ARHGEF3: variants seen among roughly 807,000 people sequenced by gnomAD.
ARHGEF3 encodes 59.8 kDA protein.
Under a neutral mutation model 63.2 loss-of-function variants are expected in ARHGEF3, and 28 were observed. The ratio of observed to expected loss-of-function variants is 0.44; its 90% CI spans 0.33 to 0.61. The LOEUF (loss-of-function observed/expected upper bound fraction) is 0.61. Ranked by LOEUF, ARHGEF3 falls within the 20% of genes least tolerant of loss-of-function variation. The pLI, the probability that ARHGEF3 is intolerant of heterozygous loss-of-function variation, is 0.03. For synonymous variants in ARHGEF3, 266 were observed against 254.2 expected, an observed-to-expected ratio of 1.05 and a Z score of -0.44; for missense variants, 533 against 659.3, an observed-to-expected ratio of 0.81 and a Z score of 2.10.
chr3:56,814,502 C>G (rs1271651185), intron 4 of ARHGEF3, among the ~76,000 whole-genome samples: 1 of 152,160 alleles, frequency 6.6e-6, no homozygotes, highest in Admixed American at 6.5e-5. Context: ...TGACAAACAT[C>G]AGTTTAAGCA....
chr3:56,991,547 A>G (rs964485058), intron 2 of ARHGEF3, among the ~76,000 whole-genome samples: 3 of 152,234 alleles, frequency 2.0e-5, no homozygotes, highest in African/African-American at 7.2e-5. Flanking sequence ...ATAAATTGCA[A>G]AAAAGAATTC....
At chr3:57,009,167 C>A (rs1266717166) in intron 2 of ARHGEF3, among the ~76,000 whole-genome samples, 1 of 152,230 alleles carries the variant, frequency 6.6e-6, no homozygotes, top group Non-Finnish European at 1.5e-5. Flanking sequence ...TCCGGCTCCT[C>A]CCCACCCCTG....
At chr3:56,856,900 A>C (rs994755930) in intron 4 of ARHGEF3, among the ~76,000 whole-genome samples, 3 of 152,030 alleles carry the variant, frequency 2.0e-5, no homozygotes, top group Non-Finnish European at 4.4e-5. Context: ...TTTCTTTGAA[A>C]ATTTACATTA....
chr3:56,892,373 A>C (rs191134416), intron 3 of ARHGEF3, among the ~76,000 whole-genome samples: 2 of 152,296 alleles, frequency 1.3e-5, no homozygotes. Flanking sequence ...CACTTTTACT[A>C]GGCCTTCTAA....
chr3:56,833,917 T>TG (rs144162271), intron 4 of ARHGEF3, among the ~76,000 whole-genome samples: 1 of 148,068 alleles, frequency 6.8e-6, no homozygotes, highest in African/African-American at 2.5e-5. Flanking sequence ...ATTCTTTGTT[T>TG]TCCCCCCCCA....
In ARHGEF3 at chr3:56,735,636, T is replaced by C. The variant is rs185540693; in HGVS notation, c.1041+1549A>G. ...TTTTCCTATTTCTCATTGGGCTTCC[T>C]AGAAAGAACGTTCAAGGAGCTTGGT... On this transcript the variant is annotated intron_variant, in intron 8 of 9. Transcript: ENST00000296315. Among the ~76,000 whole-genome samples, 29 of 152,348 alleles carry C rather than the reference T, an allele frequency of 1.9e-4. 1 individual carries two copies.
chr3:57,073,774 C>T, intron 1 of ARHGEF3: 3 of 1,614,212 alleles, frequency 1.9e-6, no homozygotes, highest in Non-Finnish European at 2.5e-6. Flanking sequence ...CTAGACTCTT[C>T]CAGACTCGTT....
At chr3:56,760,273 A>G (rs1271923370) in intron 2 of ARHGEF3, among the ~76,000 whole-genome samples, 1 of 151,684 alleles carries the variant, frequency 6.6e-6, no homozygotes, top group Non-Finnish European at 1.5e-5. Flanking sequence ...TCACACTCTC[A>G]TCAACAAGGT....
intron 2 of ARHGEF3, among the ~76,000 whole-genome samples, chr3:56,987,482 A>G (rs537752029): frequency 6.6e-6 from 1 of 152,156 alleles, no homozygotes; most frequent in Non-Finnish European, 1.5e-5. Flanking sequence ...TCCAGGCCCA[A>G]TCTGCAGGCA....
intron 4 of ARHGEF3, among the ~76,000 whole-genome samples, chr3:56,856,563 T>G (rs556462991): frequency 7.1e-6 from 1 of 140,398 alleles, no homozygotes; most frequent in African/African-American, 2.5e-5. Context: ...CCACCCACCA[T>G]GTCCCAACCC....
chr3:56,768,641 T>C (rs2035839162), intron 2 of ARHGEF3, among the ~76,000 whole-genome samples: 1 of 88,838 alleles, frequency 1.1e-5, no homozygotes, highest in South Asian at 3.1e-4. Flanking sequence ...AAAATAGAGA[T>C]GGAATAAAAC....
intron 4 of ARHGEF3, among the ~76,000 whole-genome samples, chr3:56,861,640 G>T (rs2040075179): frequency 6.6e-6 from 1 of 152,080 alleles, no homozygotes; most frequent in South Asian, 2.1e-4. Flanking sequence ...AGTATAAAAT[G>T]TACAAGGGCC....
intron 1 of ARHGEF3, among the ~76,000 whole-genome samples, chr3:57,051,059 A>G (rs1704648653): frequency 6.6e-6 from 1 of 152,218 alleles, no homozygotes; most frequent in African/African-American, 2.4e-5. Flanking sequence ...AGTATGGAGT[A>G]TGTACAGGAT....
At chr3:56,801,986 A>T, upstream of ARHGEF3, 1 of 1,175,214 alleles carries the variant, frequency 8.5e-7, no homozygotes, top group Non-Finnish European at 1.1e-6. Flanking sequence ...CGTGCCAGCC[A>T]CGCCTTGATG....
intron 1 of ARHGEF3, among the ~76,000 whole-genome samples, chr3:56,793,170 ATTTT>A (rs34139761): frequency 7.6e-6 from 1 of 132,130 alleles, no homozygotes. Flanking sequence ...GGCCCAGATA[ATTTT>A]TTTTTTTTTT....
chr3:57,031,991 G>A (rs1023294397), intron 2 of ARHGEF3, among the ~76,000 whole-genome samples: 7 of 152,104 alleles, frequency 4.6e-5, no homozygotes, highest in African/African-American at 1.7e-4. Context: ...AAAGATGGGG[G>A]CTGAGAAAGG....
intron 4 of ARHGEF3, among the ~76,000 whole-genome samples, chr3:56,866,501 T>A (rs2040252471): frequency 1.3e-5 from 2 of 152,160 alleles, no homozygotes; most frequent in South Asian, 4.1e-4. Context: ...CCTGGCACAT[T>A]CCTACCTCCA....
At chr3:56,915,654 C>T (rs1483716937) in intron 3 of ARHGEF3, among the ~76,000 whole-genome samples, 2 of 152,096 alleles carry the variant, frequency 1.3e-5, no homozygotes, top group Non-Finnish European at 2.9e-5. Context: ...AACCAAAAAA[C>T]GATGTTCTTA....
intron 3 of ARHGEF3, among the ~76,000 whole-genome samples, chr3:56,920,583 T>C (rs1215365203): frequency 6.6e-6 from 1 of 152,364 alleles, no homozygotes; most frequent in Admixed American, 6.5e-5. Context: ...GATGATTCTT[T>C]CCATTTGAAC....
Sources: gnomAD v4.1 joint callset for allele counts (sites outside exome capture counted in the v4.1 genomes callset) on GRCh38, gnomAD v4.1.1 for gene constraint, MANE v1.5 for transcripts, NCBI Gene and HGNC (gene_info 2026-07-23, HGNC 2026-07-21) for gene names.